Variants in ADCY8 observed in about 807,000 individuals in gnomAD.
ADCY8 encodes the protein adenylate cyclase type 8.
Under a neutral mutation model 119.7 loss-of-function variants are expected in ADCY8, and 51 were observed. The observed-to-expected ratio is 0.43, with a 90% CI of 0.34 to 0.54. The LOEUF (loss-of-function observed/expected upper bound fraction) is 0.54. Ranked by LOEUF, ADCY8 falls within the 20% of genes least tolerant of loss-of-function variation. The pLI, the probability that ADCY8 is intolerant of heterozygous loss-of-function variation, is 0.03. For synonymous variants in ADCY8, 665 were observed against 651.0 expected (o/e 1.02, Z -0.33); for missense variants, 1,383 against 1,598.8 (o/e 0.87, Z 2.30).
At chr8:130,930,566 T>G (rs1373317402) in intron 5 of ADCY8, among the ~76,000 whole-genome samples, 1 of 152,096 alleles carries the variant, frequency 6.6e-6, no homozygotes, top group Non-Finnish European at 1.5e-5. Context: ...CTTCTATTTT[T>G]TGTGTATTTA....
chr8:131,022,240 A>G (rs1305256445), intron 1 of ADCY8, among the ~76,000 whole-genome samples: 1 of 152,168 alleles, frequency 6.6e-6, no homozygotes, highest in Non-Finnish European at 1.5e-5. Flanking sequence ...CGTCATCTAC[A>G]TTAGGTAATT....
intron 1 of ADCY8, among the ~76,000 whole-genome samples, chr8:131,005,783 C>T (rs942482396): frequency 1.3e-5 from 2 of 152,134 alleles, no homozygotes. Context: ...TACCATCCCT[C>T]CCCTTGCCCC....
chr8:130,808,615 A>G (rs1364104479), intron 14 of ADCY8, among the ~76,000 whole-genome samples: 2 of 152,228 alleles, frequency 1.3e-5, no homozygotes, highest in African/African-American at 4.8e-5. Context: ...CTAAACCCAC[A>G]GCACTGGGGT....
At chr8:130,786,077 C>T (rs76897004) in intron 15 of ADCY8, among the ~76,000 whole-genome samples, 10 of 152,306 alleles carry the variant, frequency 6.6e-5, no homozygotes, top group Admixed American at 3.9e-4. Context: ...TAAAATTGAA[C>T]GCAGCATCCC....
At chr8:130,814,911 C>G (rs936755935) in intron 13 of ADCY8, among the ~76,000 whole-genome samples, 1 of 152,212 alleles carries the variant, frequency 6.6e-6, no homozygotes, top group Admixed American at 6.5e-5. Flanking sequence ...ATCTGTTCGA[C>G]TTTACATCCT....
chr8:130,831,867 G>C (rs181537028), intron 12 of ADCY8, among the ~76,000 whole-genome samples: 1 of 152,186 alleles, frequency 6.6e-6, no homozygotes, highest in African/African-American at 2.4e-5. Flanking sequence ...GTGATATGGA[G>C]GGGTGATGTC....
At chr8:130,938,060 A>G (rs1305164311) in intron 4 of ADCY8, among the ~76,000 whole-genome samples, 2 of 152,224 alleles carry the variant, frequency 1.3e-5, no homozygotes, top group Non-Finnish European at 2.9e-5. Context: ...TATAGGTTCT[A>G]GTAGAAAGAG....
intron 3 of ADCY8, among the ~76,000 whole-genome samples, chr8:130,945,025 T>C (rs1297650711): frequency 6.6e-6 from 1 of 152,138 alleles, no homozygotes; most frequent in African/African-American, 2.4e-5. Context: ...CAGCTGGTTC[T>C]TGAAGAATGT....
At chr8:131,007,529 T>G (rs982503387) in intron 1 of ADCY8, among the ~76,000 whole-genome samples, 1 of 152,182 alleles carries the variant, frequency 6.6e-6, no homozygotes, top group Non-Finnish European at 1.5e-5. Flanking sequence ...ATTATCTAGC[T>G]CTAAATATCA....
chr8:130,836,121 CT>C (rs1479780834), intron 12 of ADCY8, among the ~76,000 whole-genome samples, 155 bp downstream of exon 12: 9 of 152,274 alleles, frequency 5.9e-5, no homozygotes, highest in African/African-American at 2.2e-4. Context: ...AGGATTTTTG[CT>C]TGGACTTGTA....
chr8:130,926,969 C>T (rs1312575426), intron 5 of ADCY8, among the ~76,000 whole-genome samples: 1 of 140,290 alleles, frequency 7.1e-6, no homozygotes, highest in African/African-American at 3.0e-5. Context: ...ATACACACAC[C>T]ACATTTTTCT....
At position 130,867,894 on chromosome 8, in the gene ADCY8, A is replaced by G. The variant is rs770170417; in HGVS notation, c.2162T>C (p.Ile721Thr). ...TATTGCCGTGATAAATAGAAGAACG[A>G]TAAATGCACAGACCAAGTTTGACTT... The part of the protein sequence containing the change: ...VFKSNLVCAF[I>T]VLLFITAIQS... Residue 721 changes from isoleucine to threonine, a missense_variant, in exon 9 of 18, where the codon ATC becomes ACC. Coordinates refer to ENST00000286355, the MANE Select transcript of ADCY8 (RefSeq NM_001115.3). 7.1e-5 allele frequency: 114 copies of G among 1,612,252 alleles called. No individual in the cohort carries two copies. The highest frequency in any genetic ancestry group is 3.7e-4 in the Admixed American group (22 of 59,952).
At chr8:130,825,243 G>T (rs564941328) in intron 12 of ADCY8, among the ~76,000 whole-genome samples, 2 of 151,946 alleles carry the variant, frequency 1.3e-5, no homozygotes, top group Non-Finnish European at 2.9e-5. Flanking sequence ...GTAAATTATT[G>T]TCAATTATAG....
chr8:130,870,097 T>C (rs1818297746), intron 8 of ADCY8, among the ~76,000 whole-genome samples: 1 of 149,190 alleles, frequency 6.7e-6, no homozygotes, highest in Non-Finnish European at 1.5e-5. Flanking sequence ...CACTGCAACC[T>C]CTGTCTCCTG....
intron 9 of ADCY8, among the ~76,000 whole-genome samples, chr8:130,866,026 A>G (rs930596529): frequency 6.6e-6 from 1 of 152,156 alleles, no homozygotes; most frequent in African/African-American, 2.4e-5. Flanking sequence ...TGACATGCCC[A>G]GTACTTCTTT....
intron 12 of ADCY8, 123 bp downstream of exon 12, chr8:130,836,153 GA>G: frequency 6.4e-6 from 7 of 1,090,986 alleles, no homozygotes; most frequent in African/African-American, 1.6e-5. Context: ...TGCCTGATTT[GA>G]GATATAAGTC....
intron 11 of ADCY8, among the ~76,000 whole-genome samples, chr8:130,842,827 G>T (rs1000206929): frequency 2.1e-5 from 3 of 144,308 alleles, no homozygotes; most frequent in African/African-American, 7.8e-5. Flanking sequence ...AGCCGAGATT[G>T]CACCACTGCA....
chr8:130,858,734 A>G (rs763324297), intron 9 of ADCY8, among the ~76,000 whole-genome samples: 13 of 152,196 alleles, frequency 8.5e-5, no homozygotes, highest in Non-Finnish European at 1.6e-4. Flanking sequence ...TGGGAGACAT[A>G]TCATTAATTT....
intron 11 of ADCY8, among the ~76,000 whole-genome samples, chr8:130,840,463 CAT>C (rs1400659668): frequency 1.0e-5 from 1 of 96,116 alleles, no homozygotes; most frequent in Admixed American, 1.1e-4. Context: ...AGTGAAGAAA[CAT>C]GTGCCCGAAG....
Sources: allele counts gnomAD v4.1 joint callset (sites outside exome capture counted in the v4.1 genomes callset), GRCh38; gene constraint gnomAD v4.1.1; transcripts MANE v1.5; gene names NCBI Gene and HGNC (gene_info 2026-07-23, HGNC 2026-07-21).